The following CPVL variants were observed in gnomAD, a reference collection of about 807,000 sequenced individuals.
CPVL encodes probable serine carboxypeptidase CPVL.
Under a neutral mutation model 63.7 loss-of-function variants are expected in CPVL, and 51 were observed. The ratio of observed to expected loss-of-function variants is 0.80; its 90% CI spans 0.64 to 1.01. The LOEUF is 1.01. Ranked by LOEUF, CPVL falls within the 50% of genes least tolerant of loss-of-function variation. The pLI, the probability that CPVL is intolerant of heterozygous loss-of-function variation, is 0.00. For synonymous variants in CPVL, 195 were observed against 206.0 expected (o/e 0.95, Z 0.46); for missense variants, 530 against 573.1 (o/e 0.92, Z 0.77).
upstream of CPVL, chr7:29,195,375 C>T (rs754708581): frequency 1.8e-5 from 4 of 228,200 alleles, no homozygotes; most frequent in African/African-American, 2.3e-5. Context: ...CCGTGCCGCG[C>T]CCGCTACCCT....
chr7:29,091,580 C>T (rs540781623), intron 6 of CPVL, among the ~76,000 whole-genome samples: 1 of 152,228 alleles, frequency 6.6e-6, no homozygotes, highest in South Asian at 2.1e-4. Context: ...GCAAATATGT[C>T]CCTAGGACCC....
chr7:29,175,564 C>T (rs1272668186), intron 5 of CPVL, among the ~76,000 whole-genome samples: 1 of 152,120 alleles, frequency 6.6e-6, no homozygotes, highest in Non-Finnish European at 1.5e-5. Context: ...CCTTGCTCTT[C>T]CACCATGATT....
chr7:29,157,467 G>T (rs1398541915), intron 5 of CPVL, among the ~76,000 whole-genome samples: 1 of 152,066 alleles, frequency 6.6e-6, no homozygotes, highest in Non-Finnish European at 1.5e-5. Flanking sequence ...TTTAAAGTTA[G>T]CTTCGCACAG....
chr7:29,170,563 G>T (rs180686001), intron 5 of CPVL, among the ~76,000 whole-genome samples: 73 of 152,202 alleles, frequency 4.8e-4, no homozygotes, highest in Non-Finnish European at 9.0e-4. Context: ...TGAATATTTT[G>T]AAGAAAAATC....
At chr7:29,152,891 C>T (rs1339182006) in intron 5 of CPVL, among the ~76,000 whole-genome samples, 2 of 152,212 alleles carry the variant, frequency 1.3e-5, no homozygotes, top group Non-Finnish European at 2.9e-5. Context: ...TAACAAGGAC[C>T]TCAGAATTCT....
At chr7:29,161,292 T>C (rs1043158425) in intron 5 of CPVL, among the ~76,000 whole-genome samples, 8 of 152,272 alleles carry the variant, frequency 5.3e-5, no homozygotes, top group African/African-American at 1.9e-4. Context: ...TTGAACCCCG[T>C]TACCAAGTGA....
intron 11 of CPVL, among the ~76,000 whole-genome samples, chr7:29,056,202 TA>T (rs1790714456): frequency 6.6e-6 from 1 of 152,178 alleles, no homozygotes. Context: ...TCAAATCACC[TA>T]AAGTCCACAG....
intron 11 of CPVL, among the ~76,000 whole-genome samples, chr7:29,063,741 T>C (rs1264583228): frequency 6.6e-6 from 1 of 151,988 alleles, no homozygotes; most frequent in Non-Finnish European, 1.5e-5. Context: ...CAGCTAGTTT[T>C]TGTATTTTTT....
At chr7:29,120,589 C>T (rs888435003) in intron 2 of CPVL, among the ~76,000 whole-genome samples, 5 of 151,516 alleles carry the variant, frequency 3.3e-5, no homozygotes, top group African/African-American at 4.9e-5. Context: ...TTTGGGAGGC[C>T]GAGGTGGGTG....
chr7:29,078,105 T>C (rs1314196134), intron 7 of CPVL, among the ~76,000 whole-genome samples: 1 of 152,092 alleles, frequency 6.6e-6, no homozygotes, highest in African/African-American at 2.4e-5. Flanking sequence ...ACTGCTGCAA[T>C]TAAAAAAAAG....
chr7:29,084,503 C>G (rs1213794709), intron 7 of CPVL, among the ~76,000 whole-genome samples: 4 of 152,286 alleles, frequency 2.6e-5, no homozygotes, highest in Admixed American at 2.6e-4. Flanking sequence ...TGGTACCTAG[C>G]ACATATTTTA....
At chr7:29,088,638 C>T (rs1440551237) in intron 6 of CPVL, among the ~76,000 whole-genome samples, 7 of 152,134 alleles carry the variant, frequency 4.6e-5, no homozygotes, top group Admixed American at 4.6e-4. Context: ...AAAATAGAAT[C>T]TAGAATCAAG....
At chr7:29,194,847 T>TG in intron 1 of CPVL, 1 of 1,194,798 alleles carries the variant, frequency 8.4e-7, no homozygotes, top group Non-Finnish European at 1.1e-6. Flanking sequence ...TGCCATGGGC[T>TG]GGGGGCCGCG....
At chr7:29,031,349 T>A (rs1429808656) in intron 11 of CPVL, among the ~76,000 whole-genome samples, 1 of 152,220 alleles carries the variant, frequency 6.6e-6, no homozygotes, top group African/African-American at 2.4e-5. Flanking sequence ...ATATGATAGC[T>A]GCTTGTCAAC....
intron 1 of CPVL, among the ~76,000 whole-genome samples, chr7:29,123,375 G>A (rs1301308056): frequency 6.6e-6 from 1 of 151,596 alleles, no homozygotes; most frequent in East Asian, 1.9e-4. Context: ...CCAAATCCAG[G>A]ATGGAGCTAA....
At chr7:29,173,180 T>A (rs537976082) in intron 5 of CPVL, among the ~76,000 whole-genome samples, 4 of 151,480 alleles carry the variant, frequency 2.6e-5, no homozygotes, top group East Asian at 1.9e-4. Flanking sequence ...AAAACATTTT[T>A]AAAAATGCAC....
chr7:29,179,742 A>G (rs1261646090), intron 5 of CPVL, among the ~76,000 whole-genome samples: 1 of 152,232 alleles, frequency 6.6e-6, no homozygotes, highest in Non-Finnish European at 1.5e-5. Context: ...ATTTTATATC[A>G]ATGCAAAACA....
intron 5 of CPVL, among the ~76,000 whole-genome samples, chr7:29,158,517 CTAGTCTTTATGTGATAATATTGA>C (rs891313077): frequency 1.1e-4 from 4 of 36,700 alleles, no homozygotes; most frequent in East Asian, 6.7e-4. Flanking sequence ...ATTGTGTAGC[CTAGTCTTTATGTGATAATATTGA>C]TACTTAAGTT....
chr7:29,130,110 G>T (rs992679711), intron 1 of CPVL, among the ~76,000 whole-genome samples: 2 of 152,134 alleles, frequency 1.3e-5, no homozygotes, highest in African/African-American at 4.8e-5. Context: ...GTGGTGTTTT[G>T]TTACAGCATC....
Sources: allele counts gnomAD v4.1 joint callset (sites outside exome capture counted in the v4.1 genomes callset), GRCh38; gene constraint gnomAD v4.1.1; transcripts MANE v1.5; gene names NCBI Gene and HGNC (gene_info 2026-07-23, HGNC 2026-07-21).